The following RAPGEF2 variants were observed in gnomAD, a reference collection of about 807,000 sequenced individuals.
RAPGEF2 encodes the protein Rap guanine nucleotide exchange factor 2.
RAPGEF2 carries 54 observed loss-of-function variants against 186.7 expected under a neutral mutation model. The observed-to-expected ratio is 0.29, with a 90% CI of 0.23 to 0.36. The LOEUF is 0.36. Ranked by LOEUF, RAPGEF2 falls within the 10% of genes least tolerant of loss-of-function variation. RAPGEF2 has a pLI of 1.00. For missense variants in RAPGEF2, 1,532 were observed against 2,045.0 expected, an observed-to-expected ratio of 0.75 and a Z score of 4.84; for synonymous variants, 712 against 705.9, an observed-to-expected ratio of 1.01 and a Z score of -0.14.
chr4:159,123,199 T>A (rs1739906298), intron 1 of RAPGEF2, among the ~76,000 whole-genome samples: 1 of 152,200 alleles, frequency 6.6e-6, no homozygotes, highest in Non-Finnish European at 1.5e-5. Context: ...TTCAACTTTG[T>A]TAGGGGTTGG....
chr4:159,108,617 C>G (rs1560969632), intron 1 of RAPGEF2, among the ~76,000 whole-genome samples: 1 of 151,668 alleles, frequency 6.6e-6, no homozygotes, highest in Non-Finnish European at 1.5e-5. Flanking sequence ...TACTTTGGAC[C>G]TGAAAAAAAC....
chr4:159,128,182 C>A (rs1042571915), intron 1 of RAPGEF2, among the ~76,000 whole-genome samples: 1 of 152,068 alleles, frequency 6.6e-6, no homozygotes, highest in Non-Finnish European at 1.5e-5. Context: ...AATACTGAGA[C>A]TAATAATGTC....
At position 159,273,626 on chromosome 4, in the gene RAPGEF2, G is replaced by GTTTCTTTC. The variant is rs57811225; in HGVS notation, c.543+29905_543+29912dup. 4.5e-3 allele frequency among the ~76,000 whole-genome samples: 451 copies of GTTTCTTTC among 100,810 alleles called. 9 individuals carry two copies. Among genetic ancestry groups the GTTTCTTTC allele is most frequent in the East Asian group, 6.9e-3 (24 of 3,464 alleles). The allele number at this position is 100,810 out of a possible 152,430, so 66.1% of individuals were successfully genotyped here. A position where few individuals can be genotyped will look rare whatever the true frequency, so the allele number is the denominator to read the frequency against. Reference sequence around the variant, plus strand: ...TTAGCCCTAGTAAGATCAGTAATCAGTTTCTTTCTTTCTTTCTTTCTTTCT... The same window carrying GTTTCTTTC: ...TTAGCCCTAGTAAGATCAGTAATCAGTTTCTTTCTTTCTTTCTTTCTTTCTTTCTTTCT... On this transcript the variant is annotated intron_variant, in intron 7 of 29. Coordinates refer to ENST00000691494, the MANE Select transcript of RAPGEF2 (RefSeq NM_001394067.2).
intron 1 of RAPGEF2, among the ~76,000 whole-genome samples, chr4:159,114,443 C>T (rs1055241914): frequency 6.6e-6 from 1 of 151,858 alleles, no homozygotes; most frequent in Non-Finnish European, 1.5e-5. Flanking sequence ...TGCTATTTAG[C>T]CCAGGCTGGT....
chr4:159,297,426 A>G (rs1223521542), intron 7 of RAPGEF2, among the ~76,000 whole-genome samples: 1 of 152,240 alleles, frequency 6.6e-6, no homozygotes, highest in Non-Finnish European at 1.5e-5. Context: ...GGCAATACAC[A>G]TAAATGCACA....
In RAPGEF2 at chr4:159,346,989, C is replaced by G. The variant is rs370917241; in HGVS notation, c.3703C>G (p.Pro1235Ala). 6.2e-7 allele frequency: 1 copy of G among 1,612,556 alleles called. No individual in the cohort carries two copies. The highest frequency in any genetic ancestry group is 1.7e-5 in the Admixed American group (1 of 59,964). Residue 1235 changes from proline to alanine, a missense_variant, in exon 25 of 30, where the codon CCA becomes GCA. Around this residue, in one of 4 missense-constraint regions of RAPGEF2, gnomAD observed 594 missense variants for 608.5 expected, o/e 0.98. Transcript: ENST00000691494. ...SRKKVPVKDL[P>A]PFGINSPQAL... ...GAAGAAAGTGCCCGTAAAGGATCTCCCACCTTTTGGTAAGTGATTACATTC... is the reference window on the plus strand; with the variant it reads ...GAAGAAAGTGCCCGTAAAGGATCTCGCACCTTTTGGTAAGTGATTACATTC...
rs538874653 is a variant in RAPGEF2 at position 159,105,782 on chromosome 4, A to C, written c.69+1551A>C. On this transcript the variant is annotated intron_variant, in intron 1 of 29. Transcript: ENST00000691494. ...TGAAGGAAAAGCAGATTTCAGTGAG[A>C]TATTTCATTTCCTTTCAAGAATATT... 7.2e-5 allele frequency among the ~76,000 whole-genome samples: 11 copies of C among 152,332 alleles called. No individual in the cohort carries two copies. In the South Asian group the frequency reaches 2.1e-3, roughly 29 times the overall value.
At chr4:159,242,040 C>T (rs1754075094) in intron 6 of RAPGEF2, among the ~76,000 whole-genome samples, 1 of 151,974 alleles carries the variant, frequency 6.6e-6, no homozygotes, top group Admixed American at 6.6e-5. Context: ...AGTTCATTGT[C>T]ATTTATTTCA....
At chr4:159,274,885 A>G (rs1193051752) in intron 7 of RAPGEF2, among the ~76,000 whole-genome samples, 1 of 152,192 alleles carries the variant, frequency 6.6e-6, no homozygotes, top group Non-Finnish European at 1.5e-5. Flanking sequence ...GCATCATACA[A>G]GAAGTTCCCT....
chr4:159,338,367 A>C lies in RAPGEF2; in HGVS notation c.2192A>C (p.Lys731Thr). The change falls in exon 18 of 30, where the codon AAG becomes ACG. Residue 731 changes from lysine (K) to threonine (T), a missense_variant. Around this residue, in one of 4 missense-constraint regions of RAPGEF2, gnomAD observed 810 missense variants for 1,210.5 expected, o/e 0.67. Transcript: ENST00000691494. ...DDSIVGLRQT[K>T]HIPTALPVSG... ...AGCATAGTAGGATTAAGGCAGACAA[A>C]GCACATCCCAACTGCATTGCCTGTC... The C allele has an allele frequency of 1.2e-6, 2 of 1,614,168 alleles. No individual in the cohort carries two copies. Among genetic ancestry groups the C allele is most frequent in the African/African-American group, 1.3e-5 (1 of 75,062 alleles).
intron 7 of RAPGEF2, chr4:159,268,206 G>GA (rs1757670425): frequency 6.3e-7 from 1 of 1,596,562 alleles, no homozygotes; most frequent in African/African-American, 1.3e-5. Flanking sequence ...GCCAGCAGGA[G>GA]AAACACTCAG....
chr4:159,216,650 C>T (rs1751020906), intron 4 of RAPGEF2, among the ~76,000 whole-genome samples: 1 of 151,948 alleles, frequency 6.6e-6, no homozygotes, highest in Admixed American at 6.6e-5. Context: ...GAGAGCTCTA[C>T]TTTACAAAGC....
chr4:159,114,637 A>ATT (rs1291115340), intron 1 of RAPGEF2, among the ~76,000 whole-genome samples: 1 of 152,216 alleles, frequency 6.6e-6, no homozygotes, highest in Non-Finnish European at 1.5e-5. Context: ...GTGATTCTGA[A>ATT]TTTAAGTAGA....
intron 4 of RAPGEF2, among the ~76,000 whole-genome samples, chr4:159,219,642 A>G (rs1469149088): frequency 6.6e-6 from 1 of 152,148 alleles, no homozygotes; most frequent in Admixed American, 6.5e-5. Flanking sequence ...GGCGTGAGCC[A>G]CCACGCGCAG....
At chr4:159,223,072 T>A (rs1751689509) in intron 4 of RAPGEF2, among the ~76,000 whole-genome samples, 1 of 152,092 alleles carries the variant, frequency 6.6e-6, no homozygotes, top group Non-Finnish European at 1.5e-5. Flanking sequence ...AGCTTAGATA[T>A]TTATATTATT....
chr4:159,283,848 G>A (rs1760070142), intron 7 of RAPGEF2, among the ~76,000 whole-genome samples: 1 of 152,132 alleles, frequency 6.6e-6, no homozygotes, highest in South Asian at 2.1e-4. Flanking sequence ...GATATTAAGT[G>A]ACTCAGATTC....
intron 4 of RAPGEF2, among the ~76,000 whole-genome samples, chr4:159,226,174 G>T (rs1461721267): frequency 1.3e-5 from 2 of 152,104 alleles, no homozygotes; most frequent in African/African-American, 4.8e-5. Context: ...TGAGGTAAAG[G>T]GTTGAGGTTT....
In RAPGEF2 at chr4:159,283,003, G is replaced by C. The variant is rs543889495; in HGVS notation, c.544-21339G>C. On this transcript the variant is annotated intron_variant, in intron 7 of 29. Coordinates refer to ENST00000691494, the MANE Select transcript of RAPGEF2 (RefSeq NM_001394067.2). ...TAATTTAATGTTGAGTATGTAAGAG[G>C]AGCATGGTTATTTGCTTTCTTACTG... 3.3e-5 allele frequency among the ~76,000 whole-genome samples: 5 copies of C among 152,236 alleles called. No homozygotes were observed. In the South Asian group the frequency reaches 1.0e-3, roughly 32 times the overall value.
chr4:159,281,837 G>A (rs1362088718), intron 7 of RAPGEF2, among the ~76,000 whole-genome samples: 1 of 152,130 alleles, frequency 6.6e-6, no homozygotes, highest in African/African-American at 2.4e-5. Context: ...TTCTATAGAT[G>A]AAAACTTGAG....
Sources: gnomAD v4.1 joint callset for allele counts (sites outside exome capture counted in the v4.1 genomes callset) on GRCh38, gnomAD v4.1.1 for gene constraint, gnomAD v4.1.1 regional missense constraint, MANE v1.5 for transcripts, NCBI Gene and HGNC (gene_info 2026-07-23, HGNC 2026-07-21) for gene names.